Variants in PTPRD observed in about 807,000 individuals in gnomAD.
PTPRD encodes receptor-type tyrosine-protein phosphatase delta.
Under a neutral mutation model 214.5 loss-of-function variants are expected in PTPRD, and 34 were observed. The observed-to-expected ratio is 0.16, with a 90% CI of 0.12 to 0.21. The LOEUF is 0.21. Ranked by LOEUF, PTPRD falls within the 10% of genes least tolerant of loss-of-function variation. The pLI, the probability that PTPRD is intolerant of heterozygous loss-of-function variation, is 1.00. For synonymous variants in PTPRD, 1,128 were observed against 845.7 expected, an observed-to-expected ratio of 1.33 and a Z score of -5.79; for missense variants, 2,545 against 2,398.7, an observed-to-expected ratio of 1.06 and a Z score of -1.27.
At chr9:9,766,340 A>T (rs2098706942) in intron 6 of PTPRD, among the ~76,000 whole-genome samples, 1 of 152,050 alleles carries the variant, frequency 6.6e-6, no homozygotes, top group Admixed American at 6.6e-5. Context: ...CTGAGCTGTT[A>T]ATGTGTTTAT....
At chr9:10,458,839 C>G (rs1200318043) in intron 2 of PTPRD, among the ~76,000 whole-genome samples, 4 of 152,086 alleles carry the variant, frequency 2.6e-5, no homozygotes, top group Non-Finnish European at 5.9e-5. Flanking sequence ...AATAAAGTTG[C>G]AGAATATAAA....
intron 11 of PTPRD, among the ~76,000 whole-genome samples, chr9:8,820,329 C>A (rs1019390950): frequency 2.6e-5 from 4 of 152,110 alleles, no homozygotes; most frequent in African/African-American, 9.7e-5. Context: ...GGCAATCTAG[C>A]TCCATAAGCC....
At chr9:10,451,156 G>C (rs144495741) in intron 2 of PTPRD, among the ~76,000 whole-genome samples, 2,630 of 151,972 alleles carry the variant, frequency 0.017, 112 homozygotes, top group African/African-American at 0.06. Context: ...TCACTACACA[G>C]TTTAAAACAC....
intron 11 of PTPRD, among the ~76,000 whole-genome samples, chr9:8,996,374 G>A (rs2099396723): frequency 6.6e-6 from 1 of 152,056 alleles, no homozygotes; most frequent in Admixed American, 6.6e-5. Context: ...CCAGAGTCAA[G>A]GGTTACGTAA....
chr9:10,070,961 T>G (rs1306688447), intron 3 of PTPRD, among the ~76,000 whole-genome samples: 1 of 152,058 alleles, frequency 6.6e-6, no homozygotes, highest in East Asian at 1.9e-4. Context: ...AAACATCAAC[T>G]TCTTTCTTCC....
intron 33 of PTPRD, among the ~76,000 whole-genome samples, chr9:8,459,595 T>C (rs1044952399): frequency 1.3e-5 from 2 of 152,036 alleles, no homozygotes; most frequent in Non-Finnish European, 2.9e-5. Flanking sequence ...TCTAACTGAC[T>C]GGCCAGTGCC....
chr9:9,035,813 C>T (rs2099619942), intron 10 of PTPRD, among the ~76,000 whole-genome samples: 1 of 151,922 alleles, frequency 6.6e-6, no homozygotes, highest in East Asian at 1.9e-4. Flanking sequence ...ACATGACAGT[C>T]TGGTTTAATG....
At chr9:8,816,602 G>A (rs958999793) in intron 11 of PTPRD, among the ~76,000 whole-genome samples, 1 of 152,274 alleles carries the variant, frequency 6.6e-6, no homozygotes, top group Admixed American at 6.5e-5. Context: ...TTTATGTCAA[G>A]TTCTGTTAGC....
chr9:10,017,172 G>C (rs2096736069), intron 4 of PTPRD, among the ~76,000 whole-genome samples: 1 of 152,102 alleles, frequency 6.6e-6, no homozygotes, highest in African/African-American at 2.4e-5. Context: ...TGACAGTCTG[G>C]TGGACATCGA....
At chr9:9,808,038 G>C (rs1238945364) in intron 5 of PTPRD, among the ~76,000 whole-genome samples, 1 of 152,192 alleles carries the variant, frequency 6.6e-6, no homozygotes, top group Non-Finnish European at 1.5e-5. Flanking sequence ...TGAGAAAGGA[G>C]TGAAACCAAA....
At chr9:9,838,296 G>T (rs2057379049) in intron 5 of PTPRD, among the ~76,000 whole-genome samples, 1 of 152,050 alleles carries the variant, frequency 6.6e-6, no homozygotes, top group Non-Finnish European at 1.5e-5. Flanking sequence ...TAATGGGATG[G>T]CTGGGTCAAA....
intron 7 of PTPRD, among the ~76,000 whole-genome samples, chr9:9,618,802 A>G (rs1449293506): frequency 6.6e-6 from 1 of 152,186 alleles, no homozygotes; most frequent in African/African-American, 2.4e-5. Context: ...TGATACTTGA[A>G]GTCTTGAATT....
At chr9:9,602,659 C>T (rs1372140679) in intron 7 of PTPRD, among the ~76,000 whole-genome samples, 3 of 151,866 alleles carry the variant, frequency 2.0e-5, no homozygotes, top group African/African-American at 4.8e-5. Context: ...AATAGATATA[C>T]AAGCATTCTT....
intron 9 of PTPRD, among the ~76,000 whole-genome samples, chr9:9,267,202 A>T (rs962722831): frequency 6.6e-6 from 1 of 151,336 alleles, no homozygotes; most frequent in Non-Finnish European, 1.5e-5. Context: ...CAAAAACTCA[A>T]ATAAAATCAG....
chr9:9,355,939 G>A (rs562539453), intron 9 of PTPRD, among the ~76,000 whole-genome samples: 2 of 151,376 alleles, frequency 1.3e-5, no homozygotes, highest in East Asian at 2.0e-4. Context: ...AGGAAGGAGT[G>A]ATAAACTGTG....
chr9:9,743,731 T>TACACACACACACACACACAC (rs4008087), intron 6 of PTPRD, among the ~76,000 whole-genome samples: 7 of 80,466 alleles, frequency 8.7e-5, no homozygotes, highest in East Asian at 6.9e-4. Context: ...ACTCAGTCTA[T>TACACACACACACACACACAC]ACACACACAC....
intron 14 of PTPRD, among the ~76,000 whole-genome samples, chr9:8,545,565 C>A (rs1377018341): frequency 2.0e-5 from 3 of 152,184 alleles, no homozygotes; most frequent in Non-Finnish European, 1.5e-5. Context: ...CAGTGATTTT[C>A]AGAAGGCAAG....
intron 9 of PTPRD, among the ~76,000 whole-genome samples, chr9:9,348,653 C>G (rs2049887470): frequency 6.6e-6 from 1 of 152,094 alleles, no homozygotes; most frequent in African/African-American, 2.4e-5. Flanking sequence ...TACCCAAGTA[C>G]AATGTCTAGT....
intron 26 of PTPRD, among the ~76,000 whole-genome samples, chr9:8,494,740 G>T (rs928233326): frequency 1.8e-4 from 28 of 152,140 alleles, no homozygotes; most frequent in Admixed American, 1.8e-3. Context: ...CAGACATAAC[G>T]CAATTTGAAA....
Sources: allele counts gnomAD v4.1 joint callset (sites outside exome capture counted in the v4.1 genomes callset), GRCh38; gene constraint gnomAD v4.1.1; transcripts MANE v1.5; gene names NCBI Gene and HGNC (gene_info 2026-07-23, HGNC 2026-07-21).